Variants in NAV2 observed in about 807,000 individuals in gnomAD.
The protein encoded by NAV2 is neuron navigator 2.
A neutral mutation model predicts 223.2 loss-of-function variants in NAV2; 54 were observed. The observed-to-expected ratio is 0.24, with a 90% confidence interval of 0.19 to 0.30. The LOEUF (loss-of-function observed/expected upper bound fraction) is 0.30. Ranked by LOEUF, NAV2 falls within the 10% of genes least tolerant of loss-of-function variation. The probability of loss-of-function intolerance (pLI) is 1.00; values close to 1 mark genes in which losing one functional copy is unlikely to be tolerated. For synonymous variants in NAV2, 1,279 were observed against 1,239.3 expected (o/e 1.03, Z -0.67); for missense variants, 2,806 against 3,147.5 (o/e 0.89, Z 2.60).
At chr11:20,099,615 A>T (rs1451749394) in intron 31 of NAV2, among the ~76,000 whole-genome samples, 2 of 152,150 alleles carry the variant, frequency 1.3e-5, no homozygotes, top group African/African-American at 4.8e-5. Context: ...CTTAAAACTT[A>T]TGCCTTCAAG....
intron 1 of NAV2, among the ~76,000 whole-genome samples, chr11:19,573,603 C>G (rs1387530190): frequency 6.6e-6 from 1 of 152,218 alleles, no homozygotes. Flanking sequence ...CATTTCACTT[C>G]ATCTTCACAG....
At chr11:19,426,695 ATT>A (rs11301997) in intron 1 of NAV2, among the ~76,000 whole-genome samples, 20 of 149,470 alleles carry the variant, frequency 1.3e-4, no homozygotes, top group African/African-American at 2.7e-4. Flanking sequence ...AGTCCCATCA[ATT>A]TTTTTTTTTT....
intron 36 of NAV2, among the ~76,000 whole-genome samples, chr11:20,112,864 T>C (rs539044763): frequency 1.3e-5 from 2 of 152,286 alleles, no homozygotes; most frequent in East Asian, 3.9e-4. Flanking sequence ...AGACGTGGTT[T>C]TGTTGGTTCA....
chr11:19,841,782 G>A (rs143531984), intron 2 of NAV2, among the ~76,000 whole-genome samples: 9 of 152,234 alleles, frequency 5.9e-5, no homozygotes, highest in Non-Finnish European at 1.2e-4. Context: ...AAACTGAGAC[G>A]GAGATATCAA....
intron 1 of NAV2, among the ~76,000 whole-genome samples, chr11:19,800,511 G>A (rs374843221): frequency 6.6e-6 from 1 of 152,124 alleles, no homozygotes; most frequent in Non-Finnish European, 1.5e-5. Context: ...CCTAGGACCT[G>A]CTCAAAAAAA....
intron 1 of NAV2, among the ~76,000 whole-genome samples, chr11:19,480,026 G>A (rs191966678): frequency 1.3e-3 from 194 of 152,248 alleles, no homozygotes; most frequent in African/African-American, 4.5e-3. Context: ...GTCTATGATT[G>A]CTTTTATGCT....
intron 1 of NAV2, among the ~76,000 whole-genome samples, chr11:19,360,565 C>T (rs186518102): frequency 3.8e-4 from 58 of 152,326 alleles, no homozygotes; most frequent in Non-Finnish European, 7.3e-4. Flanking sequence ...AGATCAGCCA[C>T]CCAAGTTCTT....
intron 1 of NAV2, among the ~76,000 whole-genome samples, chr11:19,433,375 T>TG (rs1851102716): frequency 6.6e-6 from 1 of 152,200 alleles, no homozygotes; most frequent in Non-Finnish European, 1.5e-5. Context: ...CTGCATTTGA[T>TG]GGGGCACCAA....
intron 10 of NAV2, among the ~76,000 whole-genome samples, chr11:19,965,724 C>T (rs983135724): frequency 1.3e-5 from 2 of 152,226 alleles, no homozygotes; most frequent in Non-Finnish European, 2.9e-5. Context: ...GTTACTGTTT[C>T]TGTACAACAA....
intron 35 of NAV2, among the ~76,000 whole-genome samples, chr11:20,106,177 GTGTGTGTATATATATATATATATA>G (rs2062043960): frequency 2.9e-4 from 4 of 13,804 alleles, no homozygotes; most frequent in African/African-American, 4.0e-4. Flanking sequence ...ATATATATAT[GTGTGTGTATATATATATATATATA>G]TATATATATA....
chr11:19,480,817 G>T (rs185672017), intron 1 of NAV2, among the ~76,000 whole-genome samples: 1 of 152,186 alleles, frequency 6.6e-6, no homozygotes, highest in Admixed American at 6.5e-5. Flanking sequence ...AAGATTAGAG[G>T]TGAGGGTCCA....
chr11:20,119,514 C>G lies in NAV2; in HGVS notation c.*1256C>G, dbSNP rs970528055. ...TCACCCTGCAAAAGACTTGCACTTT[C>G]CTCAGAACCAACATGACGCAGCTCA... On this transcript the variant is annotated 3_prime_UTR_variant, in exon 38 of 38. Transcript: ENST00000349880. The G allele has an allele frequency of 6.6e-6, 1 of 152,664 alleles. No homozygotes were observed. Among genetic ancestry groups the G allele is most frequent in the African/African-American group, 2.4e-5 (1 of 41,426 alleles). The allele number at this position is 152,664 out of a possible 1,614,324, so 9.5% of individuals were successfully genotyped here. A position where few individuals can be genotyped will look rare whatever the true frequency, so the allele number is the denominator to read the frequency against.
At chr11:19,979,104 A>AG in intron 10 of NAV2, 1 of 152,156 alleles carries the variant, frequency 6.6e-6, no homozygotes, top group Non-Finnish European at 1.5e-5. Flanking sequence ...TCTTGACTGG[A>AG]GGGATGGTGA....
At chr11:20,066,404 T>C (rs2059045059) in intron 20 of NAV2, among the ~76,000 whole-genome samples, 1 of 152,168 alleles carries the variant, frequency 6.6e-6, no homozygotes, top group African/African-American at 2.4e-5. Context: ...GATAAGGAGG[T>C]TGTTCAGTGT....
At chr11:19,683,838 G>T (rs2048941834) in intron 1 of NAV2, among the ~76,000 whole-genome samples, 1 of 152,188 alleles carries the variant, frequency 6.6e-6, no homozygotes, top group African/African-American at 2.4e-5. Flanking sequence ...GAAAACTCAG[G>T]ATATTAAATT....
At chr11:20,039,432 C>A (rs528998402) in intron 12 of NAV2, among the ~76,000 whole-genome samples, 1 of 152,134 alleles carries the variant, frequency 6.6e-6, no homozygotes, top group Admixed American at 6.5e-5. Context: ...TCTCTCCCTC[C>A]CTTCCTCCCT....
intron 1 of NAV2, among the ~76,000 whole-genome samples, chr11:19,745,412 G>A (rs1331143603): frequency 6.6e-6 from 1 of 152,156 alleles, no homozygotes; most frequent in Non-Finnish European, 1.5e-5. Context: ...TGGCTCCTAA[G>A]CATTGTGCCT....
At chr11:19,844,102 T>TCC (rs1412938336) in intron 3 of NAV2, among the ~76,000 whole-genome samples, 1 of 152,226 alleles carries the variant, frequency 6.6e-6, no homozygotes, top group Non-Finnish European at 1.5e-5. Context: ...CATAGGAAAG[T>TCC]CCCCAGGCTG....
chr11:19,824,165 T>C (rs138017676), intron 1 of NAV2, among the ~76,000 whole-genome samples: 192 of 152,340 alleles, frequency 1.3e-3, no homozygotes, highest in African/African-American at 4.5e-3. Flanking sequence ...TATGATCTCA[T>C]TTAATCTGTA....
Sources: allele counts gnomAD v4.1 joint callset (sites outside exome capture counted in the v4.1 genomes callset), GRCh38; gene constraint gnomAD v4.1.1; transcripts MANE v1.5; gene names NCBI Gene and HGNC (gene_info 2026-07-23, HGNC 2026-07-21).